TDRD1: variants seen among roughly 807,000 people sequenced by gnomAD.
The protein encoded by TDRD1 is tudor domain containing 1.
TDRD1 carries 37 observed loss-of-function variants against 140.6 expected under a neutral mutation model. The ratio of observed to expected loss-of-function variants is 0.26; its 90% CI spans 0.20 to 0.35. The LOEUF (loss-of-function observed/expected upper bound fraction) is 0.35, where lower values mean the gene tolerates loss of function less well. TDRD1 is among the 10% of genes least tolerant of loss of function. The pLI, the probability that TDRD1 is intolerant of heterozygous loss-of-function variation, is 1.00. For missense variants in TDRD1, 1,243 were observed against 1,393.0 expected (o/e 0.89, Z 1.71); for synonymous variants, 506 against 475.7 (o/e 1.06, Z -0.83).
chr10:114,221,222 C>T (rs562524627), intron 19 of TDRD1, 135 bp from the exon 20 acceptor site: 2 of 977,322 alleles, frequency 2.0e-6, no homozygotes, highest in South Asian at 3.1e-5. Flanking sequence ...TGAAAAAATA[C>T]AGATTTTTAT....
chr10:114,177,906 C>T (rs118191689), upstream of TDRD1, among the ~76,000 whole-genome samples: 497 of 149,238 alleles, frequency 3.3e-3, 16 homozygotes, highest in East Asian at 0.072. Context: ...GATCTTGGCT[C>T]GGTGAAACCT....
intron 18 of TDRD1, 38 bp downstream of exon 18, chr10:114,218,622 T>C: frequency 7.0e-7 from 1 of 1,423,224 alleles, no homozygotes; most frequent in Non-Finnish European, 9.6e-7. Context: ...AACTTTCTAA[T>C]ACTTGGGGCA....
chr10:114,231,325 A>G (rs553291273), intron 25 of TDRD1, among the ~76,000 whole-genome samples: 2 of 152,196 alleles, frequency 1.3e-5, no homozygotes, highest in South Asian at 2.1e-4. Flanking sequence ...ATATTATGCT[A>G]TGTTATGGTG....
chr10:114,202,266 A>G (rs747061951), exon 6 of TDRD1: 23 of 1,603,456 alleles, frequency 1.4e-5, no homozygotes, highest in South Asian at 1.0e-4. Context: ...TAAATCATCT[A>G]TTGAAACAAA....
chr10:114,211,005 T>C (rs2035447926), intron 13 of TDRD1, 38 bp downstream of exon 13: 1 of 1,482,690 alleles, frequency 6.7e-7, no homozygotes, highest in Non-Finnish European at 9.2e-7. Flanking sequence ...AAATTTATTT[T>C]TATTTATTTT....
chr10:114,192,900 T>C (rs2034086263), intron 3 of TDRD1, among the ~76,000 whole-genome samples: 1 of 152,344 alleles, frequency 6.6e-6, no homozygotes, highest in South Asian at 2.1e-4. Flanking sequence ...TGATTTTTCT[T>C]TTTAAAAAAA....
At chr10:114,180,619 G>A (rs1237297679) in intron 1 of TDRD1, among the ~76,000 whole-genome samples, 1 of 152,028 alleles carries the variant, frequency 6.6e-6, no homozygotes, top group Non-Finnish European at 1.5e-5. Context: ...GCCAGCCACC[G>A]GCGCCCTGCT....
At chr10:114,228,057 T>C in exon 25 of TDRD1, 1 of 1,609,366 alleles carries the variant, frequency 6.2e-7, no homozygotes, top group Non-Finnish European at 8.5e-7. Flanking sequence ...CATGAACATA[T>C]TCTTCTCTTC....
intron 1 of TDRD1, among the ~76,000 whole-genome samples, chr10:114,185,108 C>G (rs765274293): frequency 3.3e-5 from 5 of 152,266 alleles, no homozygotes; most frequent in Admixed American, 6.5e-5. Context: ...AATTTCTTCT[C>G]CTTCAGTCGG....
chr10:114,202,110 G>A (rs2034785240), intron 5 of TDRD1, 128 bp from the exon 6 acceptor site: 1 of 681,496 alleles, frequency 1.5e-6, no homozygotes, highest in African/African-American at 1.8e-5. Flanking sequence ...CATTACCACT[G>A]TGATTCTGGA....
At chr10:114,194,307 T>C (rs2034189139) in intron 3 of TDRD1, among the ~76,000 whole-genome samples, 1 of 152,218 alleles carries the variant, frequency 6.6e-6, no homozygotes, top group Non-Finnish European at 1.5e-5. Context: ...AATTCTCCAA[T>C]GAAAACCATC....
chr10:114,230,223 T>A (rs1441453024), intron 25 of TDRD1, among the ~76,000 whole-genome samples: 2 of 152,232 alleles, frequency 1.3e-5, no homozygotes, highest in Non-Finnish European at 2.9e-5. Context: ...TGAGTGTGCT[T>A]ACACATAAAA....
intron 3 of TDRD1, among the ~76,000 whole-genome samples, chr10:114,198,212 A>G (rs1270112753): frequency 6.6e-6 from 1 of 152,098 alleles, no homozygotes; most frequent in Non-Finnish European, 1.5e-5. Flanking sequence ...ACGGGTGGAG[A>G]GAGGCCCGAC....
At chr10:114,231,438 G>T in intron 25 of TDRD1, 1 of 1,478,382 alleles carries the variant, frequency 6.8e-7, no homozygotes, top group Non-Finnish European at 9.3e-7. Flanking sequence ...CATAGCAATT[G>T]AGTTTTTGTG....
chr10:114,194,220 A>G (rs2120334494), intron 3 of TDRD1, among the ~76,000 whole-genome samples: 1 of 152,276 alleles, frequency 6.6e-6, no homozygotes, highest in African/African-American at 2.4e-5. Flanking sequence ...AAATAAATTG[A>G]GAAGTGTCCC....
At chr10:114,180,147 G>T (rs1418131414) in intron 1 of TDRD1, 1 of 152,190 alleles carries the variant, frequency 6.6e-6, no homozygotes, top group East Asian at 1.9e-4. Flanking sequence ...CTGCAAGCTG[G>T]TTCCACAGGA....
chr10:114,212,602 G>T (rs747210797), intron 14 of TDRD1, among the ~76,000 whole-genome samples: 1 of 152,136 alleles, frequency 6.6e-6, no homozygotes, highest in Non-Finnish European at 1.5e-5. Context: ...TGTTTTGTAA[G>T]TTACTTGGCC....
chr10:114,200,847 CTTTTTTTTTTTTT>C (rs33964094), intron 4 of TDRD1, among the ~76,000 whole-genome samples: 1 of 80,406 alleles, frequency 1.2e-5, no homozygotes, highest in African/African-American at 5.5e-5. Flanking sequence ...TTGCTGCTGC[CTTTTTTTTTTTTT>C]TTTTTTTTTT....
chr10:114,198,242 A>T (rs2034501332), intron 3 of TDRD1, among the ~76,000 whole-genome samples: 2 of 152,042 alleles, frequency 1.3e-5, no homozygotes, highest in African/African-American at 4.8e-5. Context: ...GGGTATTAGG[A>T]GGGAGTAGTT....
Sources: gnomAD v4.1 joint callset for allele counts (sites outside exome capture counted in the v4.1 genomes callset) on GRCh38, gnomAD v4.1.1 for gene constraint, MANE v1.5 for transcripts, NCBI Gene and HGNC (gene_info 2026-07-23, HGNC 2026-07-21) for gene names.